The following SYBU variants were observed in gnomAD, a reference collection of about 807,000 sequenced individuals.
The protein encoded by SYBU is GOLSYN A protein.
A neutral mutation model predicts 35.9 loss-of-function variants in SYBU; 21 were observed. The observed-to-expected ratio is 0.58, with a 90% confidence interval of 0.41 to 0.84. The LOEUF (loss-of-function observed/expected upper bound fraction) is 0.84, where lower values mean the gene tolerates loss of function less well. Among genes scored for constraint, SYBU ranks in the 40% least tolerant of loss-of-function variants. SYBU has a pLI of 0.00. For missense variants in SYBU, 768 were observed against 848.2 expected, an observed-to-expected ratio of 0.91 and a Z score of 1.17; for synonymous variants, 319 against 324.3, an observed-to-expected ratio of 0.98 and a Z score of 0.18.
rs565026431 is a variant in SYBU at position 109,596,498 on chromosome 8, G to A, written c.428-10336C>T. ...TATCCCCTGTTCACCATTTCCTTGC[G>A]TTCACTTTTACAAAGAATGATCACA... is the stretch of plus-strand genomic sequence containing the variant. On this transcript the variant is annotated intron_variant, in intron 3 of 6. Coordinates refer to ENST00000276646, the MANE Select transcript of SYBU (RefSeq NM_001099754.2). 5.7e-4 allele frequency among the ~76,000 whole-genome samples: 87 copies of A among 152,190 alleles called. 1 individual carries two copies. In the South Asian group the frequency reaches 0.013, roughly 22 times the overall value.
chr8:109,600,921 C>T (rs1014180832), intron 3 of SYBU, among the ~76,000 whole-genome samples: 4 of 152,144 alleles, frequency 2.6e-5, no homozygotes, highest in Non-Finnish European at 5.9e-5. Context: ...CAGTCCAGTA[C>T]CCACGGGATG....
intron 1 of SYBU, among the ~76,000 whole-genome samples, chr8:109,679,845 T>G (rs913539361): frequency 1.1e-4 from 16 of 152,244 alleles, no homozygotes; most frequent in Admixed American, 8.5e-4. Context: ...GGTACCCACT[T>G]AATGCCAAAT....
chr8:109,612,112 A>G (rs371666939), intron 3 of SYBU, among the ~76,000 whole-genome samples: 2 of 152,184 alleles, frequency 1.3e-5, no homozygotes, highest in East Asian at 1.9e-4. Context: ...TCCATTTACA[A>G]GCTGTGTGAC....
chr8:109,593,654 A>C (rs1260130885), intron 3 of SYBU, among the ~76,000 whole-genome samples: 1 of 152,204 alleles, frequency 6.6e-6, no homozygotes, highest in East Asian at 1.9e-4. Flanking sequence ...TCAGCAGAGA[A>C]ATAACATTTC....
At position 109,691,216 on chromosome 8, in the gene SYBU, G is replaced by A; in HGVS notation, c.-58+117C>T. On this transcript the variant is annotated intron_variant, in intron 1 of 7. Transcript: ENST00000422135. This position sits in a 1 kb window ranked among gnomAD's most constrained non-coding sequence, Gnocchi z 4.7. ...CCTGGATACCTCCCGCATTGGAAAG[G>A]GTGGTCCTGGGGTCCGGAGCGCCCC... 1 of 629,444 alleles carries A rather than the reference G, an allele frequency of 1.6e-6. No individual in the cohort carries two copies. The highest frequency in any genetic ancestry group is 1.7e-5 in the South Asian group (1 of 57,834). The allele number at this position is 629,444 out of a possible 1,614,324, so 39.0% of individuals were successfully genotyped here.
intron 3 of SYBU, among the ~76,000 whole-genome samples, chr8:109,604,722 C>A (rs80065544): frequency 0.023 from 3,472 of 152,278 alleles, 51 homozygotes; most frequent in African/African-American, 0.053. Flanking sequence ...AGATTCTAAA[C>A]CATTGCCCTC....
intron 3 of SYBU, among the ~76,000 whole-genome samples, chr8:109,609,239 G>A (rs1236316376): frequency 6.6e-6 from 1 of 152,128 alleles, no homozygotes; most frequent in Non-Finnish European, 1.5e-5. Context: ...AACAAAAAGT[G>A]CCATTTGCAA....
At chr8:109,640,743 A>C (rs1814762456) in intron 2 of SYBU, among the ~76,000 whole-genome samples, 2 of 149,028 alleles carry the variant, frequency 1.3e-5, no homozygotes, top group East Asian at 3.9e-4. Context: ...TTAAAACATA[A>C]TATTTTGATA....
intron 4 of SYBU, among the ~76,000 whole-genome samples, chr8:109,582,133 T>C (rs1450594396): frequency 6.6e-6 from 1 of 152,232 alleles, no homozygotes; most frequent in Non-Finnish European, 1.5e-5. Context: ...TGTAAAGAGC[T>C]ATCCCATATT....
chr8:109,593,627 A>G (rs891621195), intron 3 of SYBU, among the ~76,000 whole-genome samples: 3 of 152,238 alleles, frequency 2.0e-5, no homozygotes, highest in Non-Finnish European at 4.4e-5. Flanking sequence ...TGTGCTGTTG[A>G]ACGTGTCAAA....
intron 2 of SYBU, among the ~76,000 whole-genome samples, chr8:109,625,161 G>C (rs1563737195): frequency 6.6e-6 from 1 of 152,052 alleles, no homozygotes; most frequent in Admixed American, 6.6e-5. Context: ...TGCATGCTGA[G>C]GTATGTTGGT....
intron 1 of SYBU, among the ~76,000 whole-genome samples, chr8:109,668,161 AGGGG>A (rs373230510): frequency 1.6e-5 from 1 of 61,430 alleles, no homozygotes. Context: ...AGAGGGGGAG[AGGGG>A]GAGAGAGAGA....
chr8:109,663,967 C>G lies in SYBU; in HGVS notation c.-129+16744G>C, dbSNP rs1459145018. Among the ~76,000 whole-genome samples the G allele has an allele frequency of 2.0e-5, 3 of 152,020 alleles. No individual in the cohort carries two copies. In the East Asian group the frequency reaches 5.8e-4, roughly 29 times the overall value. On this transcript the variant is annotated intron_variant, in intron 1 of 5. Transcript: ENST00000408889. The stretch of plus-strand genomic sequence containing the variant: ...AGTGTTGCTATTACTATTAACAGGA[C>G]TAATACAAATATGGTATGATCATTT...
At chr8:109,678,633 G>T (rs866453417) in intron 1 of SYBU, among the ~76,000 whole-genome samples, 11 of 151,926 alleles carry the variant, frequency 7.2e-5, no homozygotes, top group African/African-American at 2.7e-4. Flanking sequence ...TAGAGACAGG[G>T]TTTCACCATG....
intron 2 of SYBU, among the ~76,000 whole-genome samples, chr8:109,620,682 T>C (rs902749815): frequency 1.3e-5 from 2 of 152,154 alleles, no homozygotes; most frequent in African/African-American, 4.8e-5. Flanking sequence ...GTCTTCGGGC[T>C]CTTTTAAATA....
At chr8:109,682,303 T>A (rs1817419646), upstream of SYBU, among the ~76,000 whole-genome samples, 1 of 152,202 alleles carries the variant, frequency 6.6e-6, no homozygotes, top group Non-Finnish European at 1.5e-5. Context: ...GACAGGAAGA[T>A]GTGGGAAAGT....
chr8:109,582,615 C>T (rs1019874886), intron 4 of SYBU, among the ~76,000 whole-genome samples: 3 of 152,244 alleles, frequency 2.0e-5, no homozygotes, highest in South Asian at 2.1e-4. Context: ...AATTTCGATT[C>T]CCTGACCATG....
Position 109,644,780 on chromosome 8 carries a change from G to A in SYBU, c.-121C>T. The A allele has an allele frequency of 9.6e-7, 1 of 1,041,580 alleles. No individual in the cohort carries two copies. 64.5% of individuals were successfully genotyped at this position (1,041,580 alleles called of 1,614,324 possible). On this transcript the variant is annotated 5_prime_UTR_variant, in exon 1 of 7. Coordinates refer to ENST00000276646, the MANE Select transcript of SYBU (RefSeq NM_001099754.2). ...CGGGCTGCGGGCGGCGGCTCTTGGTGAGGCTCCAACGCGCCGCCGCCGCCA... is the reference window on the plus strand; with the variant it reads ...CGGGCTGCGGGCGGCGGCTCTTGGTAAGGCTCCAACGCGCCGCCGCCGCCA...
At chr8:109,629,616 T>C (rs1403731453) in intron 2 of SYBU, among the ~76,000 whole-genome samples, 2 of 152,138 alleles carry the variant, frequency 1.3e-5, no homozygotes, top group Admixed American at 1.3e-4. Flanking sequence ...CGTGTGCATG[T>C]GTCTTTATAG....
Sources: allele counts gnomAD v4.1 joint callset (sites outside exome capture counted in the v4.1 genomes callset), GRCh38; gene constraint gnomAD v4.1.1; non-coding constraint Gnocchi (gnomAD v3.1); transcripts MANE v1.5; gene names NCBI Gene and HGNC (gene_info 2026-07-23, HGNC 2026-07-21).